Variants in IGFL2 observed in about 807,000 individuals in gnomAD.
IGFL2 encodes the protein insulin growth factor-like family member 2.
Under a neutral mutation model 13.9 loss-of-function variants are expected in IGFL2, and 7 were observed. That is an observed-to-expected ratio of 0.51 (90% CI 0.29 to 0.95). IGFL2 has a LOEUF of 0.95. Ranked by LOEUF, IGFL2 falls within the 40% of genes least tolerant of loss-of-function variation. The pLI is 0.08. For synonymous variants in IGFL2, 55 were observed against 55.8 expected (o/e 0.99, Z 0.07); for missense variants, 138 against 147.8 (o/e 0.93, Z 0.34).
At chr19:46,124,234 C>T in the IGFL2 span, 3 of 1,609,088 alleles carry the variant, frequency 1.9e-6, no homozygotes, top group African/African-American at 2.7e-5. Context: ...AACACCACCT[C>T]TTCCCTCCTC....
At chr19:46,102,694 G>A in the IGFL2 span, among the ~76,000 whole-genome samples, 1 of 152,154 alleles carries the variant, frequency 6.6e-6, no homozygotes, top group Non-Finnish European at 1.5e-5. Flanking sequence ...CAGGCCATCT[G>A]GATGTATATG....
At chr19:46,209,338 G>A in the IGFL2 span, 1 of 152,224 alleles carries the variant, frequency 6.6e-6, no homozygotes, top group African/African-American at 2.4e-5. Flanking sequence ...TCCGCATGGA[G>A]CTGCTTCTCA....
chr19:46,192,087 G>A, the IGFL2 span, among the ~76,000 whole-genome samples: 1 of 152,100 alleles, frequency 6.6e-6, no homozygotes, highest in Non-Finnish European at 1.5e-5. Context: ...TGTCCTCTCT[G>A]GTGAGAACTC....
the IGFL2 span, chr19:46,124,015 G>T: frequency 6.2e-7 from 1 of 1,611,566 alleles, no homozygotes; most frequent in East Asian, 2.3e-5. Flanking sequence ...GGGCCAGAAG[G>T]TGCAGGTGGA....
the IGFL2 span, among the ~76,000 whole-genome samples, chr19:46,181,525 C>T: frequency 2.6e-5 from 4 of 152,302 alleles, no homozygotes; most frequent in East Asian, 7.7e-4. Flanking sequence ...TATTGTGAAA[C>T]CTAAAGCACT....
At chr19:46,181,868 T>C in the IGFL2 span, among the ~76,000 whole-genome samples, 2 of 152,218 alleles carry the variant, frequency 1.3e-5, no homozygotes, top group Non-Finnish European at 2.9e-5. Context: ...CTTGTAGGAT[T>C]GTTACAACCT....
the IGFL2 span, among the ~76,000 whole-genome samples, chr19:46,106,694 A>G: frequency 1.3e-5 from 2 of 152,136 alleles, no homozygotes; most frequent in South Asian, 2.1e-4. Flanking sequence ...GACAGGTAGG[A>G]TAGGAGAGTT....
At chr19:46,149,146 C>T (rs547637877) in intron 1 of IGFL2, 1 of 215,394 alleles carries the variant, frequency 4.6e-6, no homozygotes, top group South Asian at 4.0e-5. Context: ...CCATCTCTCT[C>T]TCTCCCTCTC....
chr19:46,090,725 C>T, the IGFL2 span, among the ~76,000 whole-genome samples: 1 of 152,228 alleles, frequency 6.6e-6, no homozygotes, highest in Non-Finnish European at 1.5e-5. Flanking sequence ...CAAGATTTGT[C>T]TGTAGCCCAG....
chr19:46,142,650 G>A (rs1972909565), upstream of IGFL2, among the ~76,000 whole-genome samples: 3 of 152,182 alleles, frequency 2.0e-5, no homozygotes, highest in Admixed American at 1.3e-4. Context: ...ACGACTGGTG[G>A]CTGACAGATA....
the IGFL2 span, chr19:46,137,585 A>G: frequency 9.4e-7 from 1 of 1,060,442 alleles, no homozygotes; most frequent in South Asian, 1.2e-5. Context: ...AGATGCTGCA[A>G]CAATACCTTT....
the IGFL2 span, among the ~76,000 whole-genome samples, chr19:46,182,839 T>G: frequency 3.3e-5 from 5 of 152,120 alleles, no homozygotes; most frequent in Non-Finnish European, 7.4e-5. Flanking sequence ...CCCTCTGTCT[T>G]GTGGTTTCTC....
chr19:46,183,679 G>T, the IGFL2 span, among the ~76,000 whole-genome samples: 1 of 152,050 alleles, frequency 6.6e-6, no homozygotes, highest in African/African-American at 2.4e-5. Flanking sequence ...GGGATTACAG[G>T]TGCCTGACAC....
chr19:46,140,913 G>GA (rs779198643), upstream of IGFL2, among the ~76,000 whole-genome samples: 1 of 152,154 alleles, frequency 6.6e-6, no homozygotes, highest in Non-Finnish European at 1.5e-5. Context: ...GAATATGGGA[G>GA]AAAAATCTCC....
At chr19:46,210,733 C>T in the IGFL2 span, among the ~76,000 whole-genome samples, 2 of 152,216 alleles carry the variant, frequency 1.3e-5, no homozygotes, top group Admixed American at 6.5e-5. Context: ...AAGGGTGGGT[C>T]TGCCTTTCCC....
the IGFL2 span, among the ~76,000 whole-genome samples, chr19:46,188,385 C>A: frequency 2.6e-5 from 4 of 152,300 alleles, no homozygotes; most frequent in Non-Finnish European, 5.9e-5. Flanking sequence ...GGTCCATCCC[C>A]AGCCACCGTG....
At chr19:46,190,479 TCACTC>T in the IGFL2 span, 2 of 152,230 alleles carry the variant, frequency 1.3e-5, no homozygotes, top group African/African-American at 4.8e-5. Context: ...ACATGATCGA[TCACTC>T]CACAGTGTCC....
upstream of IGFL2, among the ~76,000 whole-genome samples, chr19:46,141,201 A>G (rs914490991): frequency 3.9e-5 from 6 of 152,178 alleles, no homozygotes; most frequent in Admixed American, 6.5e-5. Context: ...GGAACAAAAG[A>G]ACAGTCAATG....
chr19:46,128,142 A>G, the IGFL2 span, among the ~76,000 whole-genome samples: 1 of 152,110 alleles, frequency 6.6e-6, no homozygotes, highest in Non-Finnish European at 1.5e-5. Flanking sequence ...GTGTATGGGA[A>G]TGCTAGTGAT....
Sources: gnomAD v4.1 joint callset for allele counts (sites outside exome capture counted in the v4.1 genomes callset) on GRCh38, gnomAD v4.1.1 for gene constraint, MANE v1.5 for transcripts, NCBI Gene and HGNC (gene_info 2026-07-23, HGNC 2026-07-21) for gene names.